ZNF804B: variants seen among roughly 807,000 people sequenced by gnomAD.
ZNF804B encodes zinc finger 804B.
ZNF804B carries 80 observed loss-of-function variants against 101.4 expected under a neutral mutation model. That is an observed-to-expected ratio of 0.79 (90% confidence interval 0.66 to 0.95). The LOEUF is 0.95. ZNF804B is among the 40% of genes least tolerant of loss of function. The pLI is 0.00. For missense variants in ZNF804B, 1,673 were observed against 1,561.9 expected (o/e 1.07, Z -1.20); for synonymous variants, 622 against 558.8 (o/e 1.11, Z -1.59).
At chr7:89,316,522 A>G (rs1790727788) in intron 2 of ZNF804B, among the ~76,000 whole-genome samples, 2 of 152,150 alleles carry the variant, frequency 1.3e-5, no homozygotes, top group South Asian at 2.1e-4. Context: ...GGGAAAAGCC[A>G]CAAACGCAGA....
rs191584544 is a variant in ZNF804B at position 89,164,299 on chromosome 7, C to T, written c.109-53856C>T. On this transcript the variant is annotated intron_variant, in intron 1 of 3. Coordinates refer to ENST00000333190, the MANE Select transcript of ZNF804B (RefSeq NM_181646.5). Reference sequence around the variant, plus strand: ...GGACAGTAATTTGAGAAACACTAAACTCAGCCAATTGTAGTTATACATCAG... The same window carrying T: ...GGACAGTAATTTGAGAAACACTAAATTCAGCCAATTGTAGTTATACATCAG... 3.9e-5 allele frequency among the ~76,000 whole-genome samples: 6 copies of T among 152,150 alleles called. No homozygotes were observed. The East Asian group carries it at 1.2e-3, about 29-fold the overall frequency.
At chr7:88,875,572 A>C (rs1479557856) in intron 1 of ZNF804B, among the ~76,000 whole-genome samples, 2 of 152,048 alleles carry the variant, frequency 1.3e-5, no homozygotes, top group African/African-American at 2.4e-5. Flanking sequence ...GAAATGGATA[A>C]ATTCCTCGAC....
intron 1 of ZNF804B, among the ~76,000 whole-genome samples, chr7:89,192,587 A>C (rs1788473612): frequency 6.6e-6 from 1 of 152,030 alleles, no homozygotes; most frequent in Non-Finnish European, 1.5e-5. Context: ...GTATATTACC[A>C]TTACCATTTA....
intron 1 of ZNF804B, among the ~76,000 whole-genome samples, chr7:89,020,556 A>G (rs984056846): frequency 6.6e-6 from 1 of 152,108 alleles, no homozygotes; most frequent in African/African-American, 2.4e-5. Flanking sequence ...TGTTTGGCTT[A>G]AATCTATTTT....
intron 1 of ZNF804B, among the ~76,000 whole-genome samples, chr7:88,829,796 A>C (rs940954933): frequency 6.6e-6 from 1 of 152,168 alleles, no homozygotes; most frequent in African/African-American, 2.4e-5. Context: ...ATGAAAATAA[A>C]GGAAGATTAT....
chr7:89,313,230 T>A (rs1790669501), intron 2 of ZNF804B, among the ~76,000 whole-genome samples: 1 of 152,224 alleles, frequency 6.6e-6, no homozygotes, highest in South Asian at 2.1e-4. Context: ...TAACCTTCTA[T>A]GTGTTTGTTT....
Position 89,336,805 on chromosome 7 carries a change from C to A in ZNF804B, c.3823C>A (p.Pro1275Thr). 1 of 1,613,982 alleles carries A rather than the reference C, an allele frequency of 6.2e-7. No homozygotes were observed. The highest frequency in any genetic ancestry group is 8.5e-7 in the Non-Finnish European group (1 of 1,179,978). The change falls in exon 4 of 4, where the codon CCC (proline) becomes ACC (threonine). Residue 1275 changes from proline to threonine, a missense_variant. Coordinates refer to ENST00000333190, the MANE Select transcript of ZNF804B (RefSeq NM_181646.5). Reference protein sequence around the residue: ...GHPLHLVAATPFHPSHITLQP... With the variant: ...GHPLHLVAATTFHPSHITLQP... ...TCCCCTGCATTTAGTAGCTGCTACC[C>A]CCTTCCACCCATCTCACATAACACT...
rs190155045 is a variant in ZNF804B at position 89,112,485 on chromosome 7, T to C, written c.109-105670T>C. ...TTTGTTCAATTGATCTATTTGTCTG[T>C]TCTTTTGCCATTACCACATTGTCTT... On this transcript the variant is annotated intron_variant, in intron 1 of 3. Transcript: ENST00000333190. 1.2e-4 allele frequency among the ~76,000 whole-genome samples: 19 copies of C among 152,340 alleles called. No individual in the cohort carries two copies. In the East Asian group the frequency reaches 2.9e-3, roughly 23 times the overall value.
intron 1 of ZNF804B, among the ~76,000 whole-genome samples, chr7:89,155,969 T>TC (rs891070616): frequency 4.0e-5 from 6 of 151,376 alleles, no homozygotes; most frequent in African/African-American, 1.5e-4. Context: ...CCTCTGTCTC[T>TC]CTCTCTTTCC....
At chr7:89,065,882 T>C (rs984485634) in intron 1 of ZNF804B, among the ~76,000 whole-genome samples, 1 of 152,156 alleles carries the variant, frequency 6.6e-6, no homozygotes, top group Non-Finnish European at 1.5e-5. Context: ...CATCTCCTGA[T>C]AACCCAGGAT....
chr7:88,850,338 C>T (rs967834564), intron 1 of ZNF804B, among the ~76,000 whole-genome samples: 1 of 151,970 alleles, frequency 6.6e-6, no homozygotes, highest in Non-Finnish European at 1.5e-5. Context: ...TACAAGGTGG[C>T]TAAAGTTTGC....
At position 89,052,331 on chromosome 7, in the gene ZNF804B, T is replaced by A. The variant is rs542122771; in HGVS notation, c.109-165824T>A. ...ATTTTTTAATTGTTTACCATCAGTT[T>A]TATAATTTTTCTGTGTATTTCCTAA... On this transcript the variant is annotated intron_variant, in intron 1 of 3. Transcript: ENST00000333190. Among the ~76,000 whole-genome samples the A allele has an allele frequency of 7.9e-5, 12 of 152,132 alleles. No homozygotes were observed. In the South Asian group the frequency reaches 2.5e-3, roughly 32 times the overall value.
intron 1 of ZNF804B, among the ~76,000 whole-genome samples, chr7:89,042,787 G>A (rs1366532812): frequency 2.0e-5 from 3 of 152,086 alleles, no homozygotes; most frequent in African/African-American, 7.2e-5. Context: ...TTCTGAATGA[G>A]TTTAATCCTC....
chr7:88,962,128 A>G (rs1793393923), intron 1 of ZNF804B, among the ~76,000 whole-genome samples: 1 of 151,360 alleles, frequency 6.6e-6, no homozygotes, highest in Non-Finnish European at 1.5e-5. Flanking sequence ...ACTGGTAATG[A>G]CAATTCATTG....
chr7:88,848,019 T>C (rs149767203), intron 1 of ZNF804B, among the ~76,000 whole-genome samples: 82 of 152,316 alleles, frequency 5.4e-4, no homozygotes, highest in Non-Finnish European at 9.4e-4. Context: ...AGCAATGGTT[T>C]CCAATCAGAA....
At chr7:89,019,510 C>T (rs76688479) in intron 1 of ZNF804B, among the ~76,000 whole-genome samples, 203 of 152,130 alleles carry the variant, frequency 1.3e-3, no homozygotes, top group African/African-American at 4.7e-3. Context: ...CTATCGTGCA[C>T]TGTAACTTTG....
At chr7:88,794,873 G>T in intron 1 of ZNF804B, 1 of 1,612,070 alleles carries the variant, frequency 6.2e-7, no homozygotes, top group South Asian at 1.1e-5. Flanking sequence ...CGTGGGACTT[G>T]GAGAAAAAGA....
intron 1 of ZNF804B, among the ~76,000 whole-genome samples, chr7:88,980,732 C>G (rs1793682626): frequency 6.6e-6 from 1 of 151,990 alleles, no homozygotes; most frequent in Non-Finnish European, 1.5e-5. Context: ...TCGCCATGGC[C>G]ATCACCATTG....
chr7:88,918,032 A>G (rs1011682701), intron 1 of ZNF804B, among the ~76,000 whole-genome samples: 1 of 152,196 alleles, frequency 6.6e-6, no homozygotes, highest in African/African-American at 2.4e-5. Context: ...CATTATTATT[A>G]GCAAAAACTA....
Sources: gnomAD v4.1 joint callset for allele counts (sites outside exome capture counted in the v4.1 genomes callset) on GRCh38, gnomAD v4.1.1 for gene constraint, MANE v1.5 for transcripts, NCBI Gene and HGNC (gene_info 2026-07-23, HGNC 2026-07-21) for gene names.